The following TGFB3 variants were observed in gnomAD, a reference collection of about 807,000 sequenced individuals.
TGFB3 encodes the protein transforming growth factor beta 3.
Under a neutral mutation model 40.1 loss-of-function variants are expected in TGFB3, and 5 were observed. The observed-to-expected ratio is 0.12, with a 90% CI of 0.07 to 0.26. TGFB3 has a LOEUF of 0.26. TGFB3 is among the 10% of genes least tolerant of loss of function. The pLI is 1.00. For synonymous variants in TGFB3, 184 were observed against 205.6 expected (o/e 0.89, Z 0.90); for missense variants, 373 against 530.1 (o/e 0.70, Z 2.91).
rs1046965155 is a variant in TGFB3 at position 75,960,843 on chromosome 14, C to T, written c.1080+80G>A. ...GACCATCATTTGCTCACTCAACATT[C>T]AATCCTTCACTCATTCTTTTTAACA... On this transcript the variant is annotated intron_variant, in intron 6 of 6. Coordinates refer to ENST00000238682, the MANE Select transcript of TGFB3 (RefSeq NM_003239.5). The T allele has an allele frequency of 5.0e-6, 8 of 1,589,918 alleles. No homozygotes were observed. The Admixed American group carries it at 1.3e-4, about 27-fold the overall frequency.
At chr14:75,968,881 G>T (rs1022389064) in intron 3 of TGFB3, among the ~76,000 whole-genome samples, 9 of 152,150 alleles carry the variant, frequency 5.9e-5, no homozygotes, top group Admixed American at 2.6e-4. Context: ...CCGAGCCCAG[G>T]CAGGTCACGT....
chr14:75,966,806 T>A (rs1465336697), intron 3 of TGFB3: 1 of 152,216 alleles, frequency 6.6e-6, no homozygotes, highest in Non-Finnish European at 1.5e-5. Flanking sequence ...ATGAAAAGTC[T>A]GCACTGAGAC....
chr14:75,960,796 C>T, intron 6 of TGFB3, 127 bp downstream of exon 6: 1 of 1,304,064 alleles, frequency 7.7e-7, no homozygotes, highest in Non-Finnish European at 1.1e-6. Flanking sequence ...GAACCTTCAC[C>T]AGAGGAATTT....
At position 75,980,930 on chromosome 14, in the gene TGFB3, G is replaced by A; in HGVS notation, c.-37C>T. The A allele has an allele frequency of 6.3e-7, 1 of 1,596,448 alleles. No individual in the cohort carries two copies. The highest frequency in any genetic ancestry group is 1.3e-5 in the African/African-American group (1 of 74,698). On this transcript the variant is annotated 5_prime_UTR_variant, in exon 1 of 7. Transcript: ENST00000238682. The surrounding 1 kb of genome is among the most constrained non-coding windows in gnomAD (Gnocchi z 4.3). ...GAAGAGAGGCCAGGGGGACGGCAAG[G>A]CCTGGAGAGGAAGAGACCCCAGCAG...
rs1208299916 is a variant in TGFB3, at chr14:75,979,705, C to CT, written c.352+836_352+837insA. On this transcript the variant is annotated intron_variant, in intron 1 of 6. Transcript: ENST00000238682. The surrounding 1 kb of genome is among the most constrained non-coding windows in gnomAD (Gnocchi z 4.8). ...CAGGCTCCCAGACATATCCCCCCCC[C>CT]CCACCATGCACCCACTGCCACCCCT... is the stretch of plus-strand genomic sequence containing the variant. Among the ~76,000 whole-genome samples the CT allele has an allele frequency of 6.6e-6, 1 of 150,714 alleles. No individual in the cohort carries two copies. Among genetic ancestry groups the CT allele is most frequent in the Non-Finnish European group, 1.5e-5 (1 of 67,400 alleles).
chr14:75,962,151 C>T (rs1484972068), intron 5 of TGFB3, among the ~76,000 whole-genome samples: 2 of 152,132 alleles, frequency 1.3e-5, no homozygotes, highest in African/African-American at 2.4e-5. Context: ...CCTGAGTCTT[C>T]GGTGGCATCA....
Position 75,980,543 on chromosome 14 carries a change from G to C in TGFB3, c.351C>G (p.His117Gln). 1.2e-6 allele frequency: 2 copies of C among 1,614,194 alleles called. No homozygotes were observed. The highest frequency in any genetic ancestry group is 1.7e-6 in the Non-Finnish European group (2 of 1,180,020). Residue 117 changes from histidine to glutamine, a missense_variant and splice_region_variant, in exon 1 of 7, where the codon CAC becomes CAG. His to Gln is a conservative substitution (Grantham distance 24). Transcript: ENST00000238682. The surrounding 1 kb of genome is among the most constrained non-coding windows in gnomAD (Gnocchi z 4.3). ...ACCCCAGCGAGAATTTGGACTTACT[G>C]TGCTCCGCCAGCCCCTGGATCATGT... is the stretch of plus-strand genomic sequence containing the variant. ...KFDMIQGLAE[H>Q]NELAVCPKGI... is the part of the protein sequence containing the mutation.
At chr14:75,977,411 A>G (rs776728550) in intron 1 of TGFB3, among the ~76,000 whole-genome samples, 15 of 152,188 alleles carry the variant, frequency 9.9e-5, no homozygotes, top group Non-Finnish European at 1.9e-4. Flanking sequence ...AAAAAGGATT[A>G]CAGAGTCTTG....
chr14:75,960,132 C>A (rs2035137623), intron 6 of TGFB3: 1 of 152,024 alleles, frequency 6.6e-6, no homozygotes, highest in Non-Finnish European at 1.5e-5. Context: ...TTGGTAGAGA[C>A]AGGGTTTCAC....
intron 3 of TGFB3, chr14:75,965,984 T>C (rs1595340747): frequency 2.3e-6 from 1 of 432,232 alleles, no homozygotes; most frequent in East Asian, 4.9e-5. Flanking sequence ...TTTGAAAGGA[T>C]GGTATTAAGA....
Position 75,958,989 on chromosome 14 carries a change from T to C in TGFB3, c.*198A>G. 1 of 674,042 alleles carries C rather than the reference T, an allele frequency of 1.5e-6. No homozygotes were observed. The highest frequency in any genetic ancestry group is 2.6e-6 in the Non-Finnish European group (1 of 384,162). 41.8% of individuals were successfully genotyped at this position (674,042 alleles called of 1,614,324 possible). A position where few individuals can be genotyped will look rare whatever the true frequency, so the allele number is the denominator to read the frequency against. The stretch of plus-strand genomic sequence containing the variant: ...AGCCTTCCTCTAACCAAACCCACAC[T>C]TTCTTTACCACCGTGATTCTCAGAG... On this transcript the variant is annotated 3_prime_UTR_variant, in exon 7 of 7. Coordinates refer to ENST00000238682, the MANE Select transcript of TGFB3 (RefSeq NM_003239.5).
At chr14:75,973,550 G>C (rs919698856) in intron 1 of TGFB3, among the ~76,000 whole-genome samples, 3 of 152,238 alleles carry the variant, frequency 2.0e-5, no homozygotes, top group Admixed American at 1.3e-4. Flanking sequence ...GTAATACTCT[G>C]AATGTGGATA....
chr14:75,971,947 G>T lies in TGFB3; in HGVS notation c.353-229C>A, dbSNP rs762808547. 6.6e-6 allele frequency among the ~76,000 whole-genome samples: 1 copy of T among 152,190 alleles called. No homozygotes were observed. The highest frequency in any genetic ancestry group is 1.5e-5 in the Non-Finnish European group (1 of 68,036). On this transcript the variant is annotated intron_variant, in intron 1 of 6. Coordinates refer to ENST00000238682, the MANE Select transcript of TGFB3 (RefSeq NM_003239.5). This position sits in a 1 kb window ranked among gnomAD's most constrained non-coding sequence, Gnocchi z 4.5. ...CTCAGAGCTCCACAACATGGCACTA[G>T]ACTGGCCAGTCAAATCTAATTGCCC... is the stretch of plus-strand genomic sequence containing the variant.
rs527892786 is a variant in TGFB3 at position 75,979,700 on chromosome 14, C to T, written c.352+842G>A. Reference sequence around the variant, plus strand: ...GACGGCAGGCTCCCAGACATATCCCCCCCCCCCACCATGCACCCACTGCCA... The same window carrying T: ...GACGGCAGGCTCCCAGACATATCCCTCCCCCCCACCATGCACCCACTGCCA... On this transcript the variant is annotated intron_variant, in intron 1 of 6. Transcript: ENST00000238682. The surrounding 1 kb of genome is among the most constrained non-coding windows in gnomAD (Gnocchi z 4.8). 1.7e-4 allele frequency among the ~76,000 whole-genome samples: 25 copies of T among 150,272 alleles called. 1 individual carries two copies. The highest frequency in any genetic ancestry group is 1.5e-3 in the Admixed American group (23 of 15,192).
chr14:75,971,680 C>A lies in TGFB3; in HGVS notation c.391G>T (p.Val131Phe). The A allele has an allele frequency of 6.2e-7, 1 of 1,614,248 alleles. No individual in the cohort carries two copies. Among genetic ancestry groups the A allele is most frequent in the Middle Eastern group, 1.7e-4 (1 of 6,060 alleles). The change falls in exon 2 of 7, where the codon GTT becomes TTT. Residue 131 changes from valine to phenylalanine, a missense_variant. By Grantham distance (50) the Val-to-Phe change is conservative (BLOSUM62 -1). Coordinates refer to ENST00000238682, the MANE Select transcript of TGFB3 (RefSeq NM_003239.5). This position sits in a 1 kb window ranked among gnomAD's most constrained non-coding sequence, Gnocchi z 4.5. ...AVCPKGITSK[V>F]FRFNVSSVEK... ...ACTGAGGACACATTGAAGCGGAAAA[C>A]CTTGGAGGTAATTCCTTTAGGGCAG...
At chr14:75,959,389 A>C in intron 6 of TGFB3, 44 bp from the exon 7 acceptor site, 1 of 1,611,968 alleles carries the variant, frequency 6.2e-7, no homozygotes. Context: ...GCCAAGTCTC[A>C]GGCCTGGAAC....
intron 3 of TGFB3, 152 bp from the exon 4 acceptor site, chr14:75,965,847 TC>T: frequency 1.4e-6 from 1 of 717,258 alleles, no homozygotes; most frequent in South Asian, 1.5e-5. Context: ...AGAAAGTGCC[TC>T]CAGAGCTCAG....
chr14:75,982,518 A>T (rs557562345), upstream of TGFB3, among the ~76,000 whole-genome samples: 14 of 152,294 alleles, frequency 9.2e-5, no homozygotes, highest in African/African-American at 3.4e-4. This position sits in a 1 kb window ranked among gnomAD's most constrained non-coding sequence, Gnocchi z 4.0. Context: ...TTCTTCATTG[A>T]CAAGATCGGA....
Position 75,963,128 on chromosome 14 carries a change from C to T in TGFB3, c.926+188G>A, listed in dbSNP as rs3917202. 7,983 of 712,764 alleles carry T rather than the reference C, an allele frequency of 0.011. 123 individuals are homozygous for T. Among genetic ancestry groups the T allele is most frequent in the African/African-American group, 0.05 (2,868 of 56,982 alleles). The allele number at this position is 712,764 out of a possible 1,614,324, so 44.2% of individuals were successfully genotyped here. ...GTTAGCCTATGGAAAAACAGTGGGA[C>T]TCCCAGGAAAACAGAAAGAGATTTC... On this transcript the variant is annotated intron_variant, in intron 5 of 6. Transcript: ENST00000238682.
Sources: gnomAD v4.1 joint callset for allele counts (sites outside exome capture counted in the v4.1 genomes callset) on GRCh38, gnomAD v4.1.1 for gene constraint, Gnocchi (gnomAD v3.1) non-coding constraint, MANE v1.5 for transcripts, NCBI Gene and HGNC (gene_info 2026-07-23, HGNC 2026-07-21) for gene names.